Variants in ZMAT4 observed in about 807,000 individuals in gnomAD.
ZMAT4 encodes the protein zinc finger matrin-type protein 4.
In ZMAT4, 17 loss-of-function variants were observed where a neutral mutation model predicts 28.7. The observed-to-expected ratio is 0.59, with a 90% confidence interval of 0.41 to 0.89. The LOEUF (loss-of-function observed/expected upper bound fraction) is 0.89. Among genes scored for constraint, ZMAT4 ranks in the 40% least tolerant of loss-of-function variants. The pLI is 0.00. For missense variants in ZMAT4, 240 were observed against 283.8 expected (o/e 0.85, Z 1.11); for synonymous variants, 117 against 109.2 (o/e 1.07, Z -0.44).
chr8:40,781,667 C>A (rs1813831734), intron 2 of ZMAT4, among the ~76,000 whole-genome samples: 1 of 136,116 alleles, frequency 7.3e-6, no homozygotes, highest in Non-Finnish European at 1.6e-5. Context: ...GAGGCTGAGG[C>A]AGGAGAATGG....
At chr8:40,805,199 C>A (rs953417394) in intron 2 of ZMAT4, among the ~76,000 whole-genome samples, 3 of 151,918 alleles carry the variant, frequency 2.0e-5, no homozygotes, top group African/African-American at 7.3e-5. Context: ...TGCTCACCAT[C>A]ACTGGCCATC....
chr8:40,657,077 C>G (rs12678701), intron 5 of ZMAT4, among the ~76,000 whole-genome samples: 19,712 of 152,054 alleles, frequency 0.13, 1,639 homozygotes, highest in African/African-American at 0.24. Flanking sequence ...CTCGCTCAAG[C>G]TGGAGTGCAA....
chr8:40,630,178 G>GC (rs1263355385), intron 5 of ZMAT4, among the ~76,000 whole-genome samples: 1 of 152,126 alleles, frequency 6.6e-6, no homozygotes, highest in Non-Finnish European at 1.5e-5. Flanking sequence ...TCCATCTTCT[G>GC]CAAGTTTTCT....
chr8:40,806,595 A>T (rs1815093249), intron 2 of ZMAT4, among the ~76,000 whole-genome samples: 1 of 152,124 alleles, frequency 6.6e-6, no homozygotes, highest in African/African-American at 2.4e-5. Flanking sequence ...TCTTTATATT[A>T]TTTTCACATT....
intron 3 of ZMAT4, among the ~76,000 whole-genome samples, chr8:40,718,125 A>G (rs1258742005): frequency 6.6e-6 from 1 of 152,220 alleles, no homozygotes; most frequent in Non-Finnish European, 1.5e-5. Flanking sequence ...CTTCCTGCCA[A>G]CTTCTGGATT....
intron 2 of ZMAT4, among the ~76,000 whole-genome samples, chr8:40,820,394 G>A (rs1441970875): frequency 1.5e-5 from 2 of 134,566 alleles, no homozygotes; most frequent in African/African-American, 5.7e-5. Context: ...AGAGGTGTTT[G>A]TGTGTATGTG....
At chr8:40,853,020 C>T (rs1238187945) in intron 1 of ZMAT4, among the ~76,000 whole-genome samples, 1 of 151,918 alleles carries the variant, frequency 6.6e-6, no homozygotes, top group Non-Finnish European at 1.5e-5. Context: ...TTTAAGAAAA[C>T]GCCTCCCAAA....
intron 1 of ZMAT4, among the ~76,000 whole-genome samples, chr8:40,861,109 T>C (rs1329129152): frequency 6.6e-6 from 1 of 152,264 alleles, no homozygotes; most frequent in Admixed American, 6.5e-5. Flanking sequence ...TAATAGTTCA[T>C]GCTTCCTCCT....
intron 3 of ZMAT4, among the ~76,000 whole-genome samples, chr8:40,754,605 C>T (rs1020235027): frequency 3.0e-4 from 46 of 151,820 alleles, no homozygotes; most frequent in South Asian, 4.2e-4. Context: ...TTTATTCCAC[C>T]TGGGGGTATA....
intron 4 of ZMAT4, among the ~76,000 whole-genome samples, chr8:40,679,428 C>T (rs939570028): frequency 6.6e-6 from 1 of 152,196 alleles, no homozygotes; most frequent in East Asian, 1.9e-4. Flanking sequence ...GTTTAATTAA[C>T]TCATAGTTCC....
intron 2 of ZMAT4, among the ~76,000 whole-genome samples, chr8:40,802,393 G>A (rs4737178): frequency 0.57 from 86,013 of 151,658 alleles, 24,606 homozygotes; most frequent in East Asian, 0.66. Flanking sequence ...AGAATACAAG[G>A]CTAGTATATA....
chr8:40,590,512 G>A (rs190757495), intron 5 of ZMAT4, among the ~76,000 whole-genome samples: 147 of 152,054 alleles, frequency 9.7e-4, no homozygotes, highest in African/African-American at 3.4e-3. Flanking sequence ...TGTTCTCATT[G>A]GAATATGCAT....
intron 1 of ZMAT4, among the ~76,000 whole-genome samples, chr8:40,887,110 G>T (rs1818482317): frequency 6.7e-6 from 1 of 148,360 alleles, no homozygotes; most frequent in Non-Finnish European, 1.5e-5. Context: ...GGCGGAGCTT[G>T]CAGTGAGTGG....
chr8:40,623,628 C>A (rs946201364), intron 5 of ZMAT4, among the ~76,000 whole-genome samples: 9 of 152,104 alleles, frequency 5.9e-5, no homozygotes, highest in Admixed American at 5.9e-4. Context: ...TCAGAAATGA[C>A]CATGTGTACA....
intron 1 of ZMAT4, among the ~76,000 whole-genome samples, chr8:40,879,340 T>C (rs1289348487): frequency 6.6e-6 from 1 of 152,154 alleles, no homozygotes; most frequent in Non-Finnish European, 1.5e-5. Flanking sequence ...GAGGGAGCCC[T>C]TGAACCCAGG....
At chr8:40,750,278 G>A (rs1396473009) in intron 3 of ZMAT4, among the ~76,000 whole-genome samples, 1 of 152,138 alleles carries the variant, frequency 6.6e-6, no homozygotes, top group Non-Finnish European at 1.5e-5. Flanking sequence ...TGTAGTGAAG[G>A]AAACAGACTT....
intron 5 of ZMAT4, among the ~76,000 whole-genome samples, chr8:40,604,122 G>A (rs1005028343): frequency 1.3e-5 from 2 of 152,138 alleles, no homozygotes; most frequent in African/African-American, 4.8e-5. Context: ...GCTTTTGGAT[G>A]AGTCTTTAGG....
chr8:40,720,817 T>C (rs954074490), intron 3 of ZMAT4, among the ~76,000 whole-genome samples: 1 of 150,028 alleles, frequency 6.7e-6, no homozygotes, highest in Non-Finnish European at 1.5e-5. Context: ...TGAGCCACCA[T>C]GCCCAGCCCG....
At chr8:40,865,143 G>GAA (rs1273341084) in intron 1 of ZMAT4, among the ~76,000 whole-genome samples, 2 of 152,180 alleles carry the variant, frequency 1.3e-5, no homozygotes, top group Non-Finnish European at 2.9e-5. Context: ...AGTGAGGGCT[G>GAA]AAAGAATCAA....
Sources: allele counts gnomAD v4.1 joint callset (sites outside exome capture counted in the v4.1 genomes callset), GRCh38; gene constraint gnomAD v4.1.1; transcripts MANE v1.5; gene names NCBI Gene and HGNC (gene_info 2026-07-23, HGNC 2026-07-21).